Variants in ACIN1 observed in about 807,000 individuals in gnomAD.
ACIN1 encodes the protein apoptotic chromatin condensation inducer in the nucleus.
A neutral mutation model predicts 146.6 loss-of-function variants in ACIN1; 16 were observed. The observed-to-expected ratio is 0.11, with a 90% CI of 0.07 to 0.17. The LOEUF (loss-of-function observed/expected upper bound fraction) is 0.17, where lower values mean the gene tolerates loss of function less well. Ranked by LOEUF, ACIN1 falls within the 10% of genes least tolerant of loss-of-function variation. The pLI is 1.00. For synonymous variants in ACIN1, 569 were observed against 582.7 expected (o/e 0.98, Z 0.34); for missense variants, 1,357 against 1,609.3 (o/e 0.84, Z 2.68).
intron 9 of ACIN1, chr14:23,066,352 CCT>C (rs2047457459): frequency 1.1e-5 from 2 of 181,392 alleles, no homozygotes; most frequent in East Asian, 2.8e-4. Flanking sequence ...GGTCATACCC[CCT>C]CTTTCACCGT....
intron 4 of ACIN1, among the ~76,000 whole-genome samples, chr14:23,083,138 C>T (rs967501584): frequency 2.6e-5 from 4 of 151,562 alleles, no homozygotes; most frequent in Non-Finnish European, 4.4e-5. Flanking sequence ...CCATGTAAAA[C>T]GGAAAGAAAG....
intron 18 of ACIN1, 147 bp from the exon 19 acceptor site, chr14:23,059,621 C>A: frequency 1.5e-6 from 1 of 645,912 alleles, no homozygotes; most frequent in South Asian, 1.9e-5. Flanking sequence ...TCCTGTCTTT[C>A]TTAGAGCACC....
rs200085770 is a variant in ACIN1 at position 23,059,144 on chromosome 14, C to T, written c.*4G>A. 1 of 1,612,462 alleles carries T rather than the reference C, an allele frequency of 6.2e-7. No individual in the cohort carries two copies. The highest frequency in any genetic ancestry group is 1.3e-5 in the African/African-American group (1 of 74,824). The stretch of plus-strand genomic sequence containing the variant: ...TGGTACCTGCAGCTCTAGTGTTTTC[C>T]CAGCTAGCGGCGCCCACCCCGGTCC... On this transcript the variant is annotated 3_prime_UTR_variant, in exon 19 of 19. Transcript: ENST00000605057.
At chr14:23,087,497 TG>T (rs1161452674) in intron 4 of ACIN1, among the ~76,000 whole-genome samples, 17 of 151,136 alleles carry the variant, frequency 1.1e-4, no homozygotes. Context: ...TCATTAGCCA[TG>T]GGCAGGGTCT....
rs543806452 is a variant in ACIN1, at chr14:23,080,950, A to G, written c.526-141T>C. 19 of 1,444,856 alleles carry G rather than the reference A, an allele frequency of 1.3e-5. No individual in the cohort carries two copies. In the Admixed American group the frequency reaches 2.8e-4, roughly 21 times the overall value. The allele number at this position is 1,444,856 out of a possible 1,614,324, so 89.5% of individuals were successfully genotyped here. ...GCAACAGAAACAGGAGTGACAGGAG[A>G]CAATCATGACTAACGTAGCCCTTAG... On this transcript the variant is annotated intron_variant, in intron 5 of 18. Transcript: ENST00000605057.
chr14:23,081,708 A>G (rs1404436694), intron 5 of ACIN1, 40 bp downstream of exon 5: 1 of 1,492,528 alleles, frequency 6.7e-7, no homozygotes. Flanking sequence ...TATCCAAAGC[A>G]TTACTGAAGA....
At chr14:23,095,396 A>G (rs1031825940), upstream of ACIN1, 7 of 1,332,910 alleles carry the variant, frequency 5.3e-6, no homozygotes, top group South Asian at 1.4e-5. Flanking sequence ...ATATTCGGAA[A>G]CCCTCGACCC....
In ACIN1 at chr14:23,063,480, A is replaced by G. The variant is rs1234911984; in HGVS notation, c.2693T>C (p.Val898Ala). The change falls in exon 13 of 19, where the codon GTA becomes GCA. Residue 898 changes from valine (V) to alanine (A), a missense_variant. Coordinates refer to ENST00000605057, the MANE Select transcript of ACIN1 (RefSeq NM_001386863.1). ...AEPPVPPQVS[V>A]EVALPPPAEH... The stretch of plus-strand genomic sequence containing the variant: ...TGCAGGTGGGGGCAAGGCCACCTCT[A>G]CTGACACCTGGGGAGGTACAGGAGG... 2 of 1,614,118 alleles carry G rather than the reference A, an allele frequency of 1.2e-6. No individual in the cohort carries two copies. Among genetic ancestry groups the G allele is most frequent in the Non-Finnish European group, 1.7e-6 (2 of 1,179,998 alleles).
chr14:23,094,634 C>A, intron 1 of ACIN1: 1 of 897,972 alleles, frequency 1.1e-6, no homozygotes, highest in Non-Finnish European at 1.4e-6. Context: ...CCAGCAACGC[C>A]GTAGGTTGTA....
intron 8 of ACIN1, among the ~76,000 whole-genome samples, chr14:23,075,446 G>A (rs2047774248): frequency 6.6e-6 from 1 of 151,148 alleles, no homozygotes; most frequent in Non-Finnish European, 1.5e-5. Flanking sequence ...ACTGAAACAG[G>A]ACTGAGGACC....
Position 23,068,086 on chromosome 14 carries a change from A to G in ACIN1, c.2265+1390T>C, listed in dbSNP as rs2047513996. ...GACAACAGGGACCAAAGGAAAGTCC[A>G]TCTGATGAGCAAGTGGTGACACATG... is the stretch of plus-strand genomic sequence containing the variant. On this transcript the variant is annotated intron_variant, in intron 9 of 18. Coordinates refer to ENST00000605057, the MANE Select transcript of ACIN1 (RefSeq NM_001386863.1). This position sits in a 1 kb window ranked among gnomAD's most constrained non-coding sequence, Gnocchi z 4.3. The G allele has an allele frequency of 2.0e-6, 2 of 985,888 alleles. No individual in the cohort carries two copies. The highest frequency in any genetic ancestry group is 2.4e-6 in the Non-Finnish European group (2 of 829,968). The allele number at this position is 985,888 out of a possible 1,614,324, so 61.1% of individuals were successfully genotyped here. A position where few individuals can be genotyped will look rare whatever the true frequency, so the allele number is the denominator to read the frequency against.
chr14:23,073,210 GC>G (rs1445842190), intron 8 of ACIN1, among the ~76,000 whole-genome samples: 1 of 152,140 alleles, frequency 6.6e-6, no homozygotes, highest in Non-Finnish European at 1.5e-5. Context: ...TACTTTATCT[GC>G]CCCCCATCTC....
At chr14:23,084,633 A>C (rs925614160) in intron 4 of ACIN1, among the ~76,000 whole-genome samples, 7 of 151,240 alleles carry the variant, frequency 4.6e-5, no homozygotes, top group Non-Finnish European at 8.8e-5. Flanking sequence ...AAAAAAAAAA[A>C]CCCAAAATGA....
intron 7 of ACIN1, 127 bp from the exon 8 acceptor site, chr14:23,078,393 G>GT (rs2047856113): frequency 4.7e-6 from 3 of 639,338 alleles, no homozygotes; most frequent in Non-Finnish European, 8.0e-6. Context: ...ACGGCCCTCT[G>GT]TATCTGTTAT....
intron 8 of ACIN1, chr14:23,071,408 A>AT: frequency 6.4e-7 from 1 of 1,551,402 alleles, no homozygotes; most frequent in Non-Finnish European, 8.7e-7. Flanking sequence ...CTTTTAAGAG[A>AT]TAAGCGTTAA....
intron 12 of ACIN1, 56 bp downstream of exon 12, chr14:23,064,049 T>C: frequency 1.2e-6 from 2 of 1,601,670 alleles, no homozygotes; most frequent in Non-Finnish European, 1.7e-6. Flanking sequence ...CTCAGCTAGC[T>C]GCTCTGCATC....
intron 4 of ACIN1, among the ~76,000 whole-genome samples, chr14:23,086,073 C>T (rs1040096731): frequency 2.6e-5 from 4 of 152,200 alleles, no homozygotes; most frequent in South Asian, 2.1e-4. Context: ...AGCCAGAGAT[C>T]GAAGAAAAGC....
Position 23,068,484 on chromosome 14 carries a change from G to A in ACIN1, c.2265+992C>T, listed in dbSNP as rs1011858430. 8.1e-6 allele frequency: 8 copies of A among 985,878 alleles called. No individual in the cohort carries two copies. Among genetic ancestry groups the A allele is most frequent in the Non-Finnish European group, 9.6e-6 (8 of 829,960 alleles). The allele number at this position is 985,878 out of a possible 1,614,324, so 61.1% of individuals were successfully genotyped here. On this transcript the variant is annotated intron_variant, in intron 9 of 18. Coordinates refer to ENST00000605057, the MANE Select transcript of ACIN1 (RefSeq NM_001386863.1). This position sits in a 1 kb window ranked among gnomAD's most constrained non-coding sequence, Gnocchi z 4.3. ...GGCCCCCTGATGTAAGCAAGACAGGGAGGCAAAAGGGGGCCCATCACAGGA... is the reference window on the plus strand; with the variant it reads ...GGCCCCCTGATGTAAGCAAGACAGGAAGGCAAAAGGGGGCCCATCACAGGA...
rs2047499274 is a variant in ACIN1 at position 23,067,592 on chromosome 14, G to A, written c.2266-1584C>T. ...GTGGCCAGGCTCAGCGAGGGATAGA[G>A]GGGGGAAAGGGGCAGAGACATCAGT... On this transcript the variant is annotated intron_variant, in intron 9 of 18. Transcript: ENST00000605057. This position sits in a 1 kb window ranked among gnomAD's most constrained non-coding sequence, Gnocchi z 4.6. 2 of 985,856 alleles carry A rather than the reference G, an allele frequency of 2.0e-6. No individual in the cohort carries two copies. The highest frequency in any genetic ancestry group is 2.4e-6 in the Non-Finnish European group (2 of 830,046). 61.1% of individuals were successfully genotyped at this position (985,856 alleles called of 1,614,324 possible).
Sources: gnomAD v4.1 joint callset for allele counts (sites outside exome capture counted in the v4.1 genomes callset) on GRCh38, gnomAD v4.1.1 for gene constraint, Gnocchi (gnomAD v3.1) non-coding constraint, MANE v1.5 for transcripts, NCBI Gene and HGNC (gene_info 2026-07-23, HGNC 2026-07-21) for gene names.